Variants in CRPPA observed in about 807,000 individuals in gnomAD.
CRPPA encodes the protein D-ribitol-5-phosphate cytidylyltransferase.
A neutral mutation model predicts 52.0 loss-of-function variants in CRPPA; 43 were observed. The ratio of observed to expected loss-of-function variants is 0.83; its 90% CI spans 0.65 to 1.07. The LOEUF is 1.07. CRPPA is among the 50% of genes least tolerant of loss of function. The pLI, the probability that CRPPA is intolerant of heterozygous loss-of-function variation, is 0.00. For missense variants in CRPPA, 629 were observed against 551.7 expected, an observed-to-expected ratio of 1.14 and a Z score of -1.40; for synonymous variants, 250 against 203.5, an observed-to-expected ratio of 1.23 and a Z score of -1.94.
At chr7:16,256,212 C>T (rs1221321483) in intron 8 of CRPPA, among the ~76,000 whole-genome samples, 1 of 151,886 alleles carries the variant, frequency 6.6e-6, no homozygotes, top group Non-Finnish European at 1.5e-5. Context: ...ACTGGAAATG[C>T]ATATCAAAAC....
chr7:16,196,601 A>T (rs1328280278), intron 9 of CRPPA, among the ~76,000 whole-genome samples: 1 of 152,200 alleles, frequency 6.6e-6, no homozygotes, highest in African/African-American at 2.4e-5. Context: ...AAATTCAAAG[A>T]CAAACAATGT....
intron 1 of CRPPA, among the ~76,000 whole-genome samples, chr7:16,417,852 G>A (rs954904968): frequency 2.0e-5 from 3 of 151,912 alleles, no homozygotes; most frequent in Non-Finnish European, 4.4e-5. Flanking sequence ...AACAAGAAAT[G>A]ACATTCTCTT....
chr7:16,304,993 A>T lies in CRPPA; in HGVS notation c.790-3527T>A, dbSNP rs187908190. On this transcript the variant is annotated intron_variant, in intron 4 of 9. Coordinates refer to ENST00000407010, the MANE Select transcript of CRPPA (RefSeq NM_001101426.4). ...GCATAATTGTACTAGAACTTTTCAGATACATTTTTTTTTAAAAGGCAGCAT... is the reference window on the plus strand; with the variant it reads ...GCATAATTGTACTAGAACTTTTCAGTTACATTTTTTTTTAAAAGGCAGCAT... Among the ~76,000 whole-genome samples the T allele has an allele frequency of 9.1e-4, 139 of 152,292 alleles. 1 individual carries two copies. The highest frequency in any genetic ancestry group is 1.6e-3 in the Admixed American group (25 of 15,298).
chr7:16,131,074 G>T (rs1355300123), intron 9 of CRPPA, among the ~76,000 whole-genome samples: 1 of 152,146 alleles, frequency 6.6e-6, no homozygotes, highest in Non-Finnish European at 1.5e-5. Context: ...ACAAATTTAT[G>T]TTGTTTCTAA....
chr7:16,161,167 C>T (rs544891250), intron 9 of CRPPA, among the ~76,000 whole-genome samples: 25 of 152,234 alleles, frequency 1.6e-4, no homozygotes, highest in African/African-American at 4.3e-4. Flanking sequence ...TATTTAAATA[C>T]GCTTTATTTC....
chr7:16,325,776 A>C (rs1365386727), intron 3 of CRPPA, among the ~76,000 whole-genome samples: 1 of 152,076 alleles, frequency 6.6e-6, no homozygotes, highest in Non-Finnish European at 1.5e-5. Context: ...TAATGGTCTT[A>C]AGATACCCTA....
At chr7:16,393,388 C>G (rs892427649) in intron 2 of CRPPA, among the ~76,000 whole-genome samples, 5 of 152,046 alleles carry the variant, frequency 3.3e-5, no homozygotes, top group East Asian at 1.9e-4. Context: ...AGACAGGGTA[C>G]GAAAACAGAC....
intron 9 of CRPPA, among the ~76,000 whole-genome samples, chr7:16,118,131 G>A (rs377191194): frequency 6.6e-5 from 10 of 152,168 alleles, no homozygotes; most frequent in Non-Finnish European, 1.5e-4. Flanking sequence ...ACAAGGTCTC[G>A]GCTCCATGCC....
At chr7:16,376,268 A>G in intron 2 of CRPPA, 27 bp from the exon 3 acceptor site, 1 of 1,572,578 alleles carries the variant, frequency 6.4e-7, no homozygotes, top group Non-Finnish European at 8.6e-7. Context: ...CAAAGAATAT[A>G]TTTCACCTAC....
Position 16,089,119 on chromosome 7 carries a change from C to A in CRPPA, c.*2576G>T. On this transcript the variant is annotated 3_prime_UTR_variant, in exon 10 of 10. Coordinates refer to ENST00000407010, the MANE Select transcript of CRPPA (RefSeq NM_001101426.4). ...CCTCATGAAAATAGTGAAGGATGTG[C>A]AGATATATATACATATAAAATACAT... The A allele has an allele frequency of 4.4e-6, 1 of 229,062 alleles. No individual in the cohort carries two copies. The highest frequency in any genetic ancestry group is 9.6e-6 in the Non-Finnish European group (1 of 104,048). 14.2% of individuals were successfully genotyped at this position (229,062 alleles called of 1,614,324 possible).
At chr7:16,328,140 A>T (rs1368616989) in intron 3 of CRPPA, among the ~76,000 whole-genome samples, 1 of 152,186 alleles carries the variant, frequency 6.6e-6, no homozygotes, top group Non-Finnish European at 1.5e-5. Flanking sequence ...ATCTTTAGGG[A>T]GATAACATCT....
chr7:16,279,541 G>C (rs1181132918), intron 5 of CRPPA, among the ~76,000 whole-genome samples: 2 of 152,144 alleles, frequency 1.3e-5, no homozygotes, highest in Non-Finnish European at 2.9e-5. Context: ...AAGTTACGTG[G>C]TGCTAATAAA....
intron 6 of CRPPA, among the ~76,000 whole-genome samples, chr7:16,263,731 G>A (rs1354009309): frequency 2.7e-5 from 4 of 150,612 alleles, no homozygotes; most frequent in East Asian, 1.9e-4. Flanking sequence ...CAGCCTTGGC[G>A]ACAGAGTAAA....
chr7:16,189,843 G>C (rs1366885420), intron 9 of CRPPA, among the ~76,000 whole-genome samples: 3 of 152,084 alleles, frequency 2.0e-5, no homozygotes, highest in Non-Finnish European at 1.5e-5. Context: ...AAATATCCAA[G>C]GTAAATAGCA....
At chr7:16,383,449 G>T (rs1359574358) in intron 2 of CRPPA, among the ~76,000 whole-genome samples, 1 of 152,190 alleles carries the variant, frequency 6.6e-6, no homozygotes. Context: ...AGGGGTCAGG[G>T]ACCCACTTGA....
intron 6 of CRPPA, chr7:16,270,057 C>T (rs540047220): frequency 2.0e-4 from 30 of 152,212 alleles, no homozygotes; most frequent in African/African-American, 6.3e-4. Context: ...ACTTTTTGTA[C>T]GGATTTTCCT....
rs966913645 is a variant in CRPPA, at chr7:16,142,286, G to A, written c.1252-50487C>T. Among the ~76,000 whole-genome samples, 44 of 152,082 alleles carry A rather than the reference G, an allele frequency of 2.9e-4. No homozygotes were observed. In the Middle Eastern group the frequency reaches 9.5e-3, roughly 33 times the overall value. On this transcript the variant is annotated intron_variant, in intron 9 of 9. Transcript: ENST00000407010. ...CTTGTGTCACAGAGGTTTGTTGTAC[G>A]TTATTTCATCCCCTAGGTACTAAGC...
chr7:16,197,338 T>C (rs1022219579), intron 9 of CRPPA, among the ~76,000 whole-genome samples: 5 of 152,138 alleles, frequency 3.3e-5, no homozygotes, highest in African/African-American at 9.7e-5. Flanking sequence ...AATCAGTAAA[T>C]TTTTTTCTTC....
chr7:16,099,958 G>A (rs771829040), intron 9 of CRPPA, among the ~76,000 whole-genome samples: 3 of 152,042 alleles, frequency 2.0e-5, no homozygotes, highest in Non-Finnish European at 4.4e-5. Context: ...CCTATGCCTG[G>A]ACTCCTCCAG....
Sources: gnomAD v4.1 joint callset for allele counts (sites outside exome capture counted in the v4.1 genomes callset) on GRCh38, gnomAD v4.1.1 for gene constraint, MANE v1.5 for transcripts, NCBI Gene and HGNC (gene_info 2026-07-23, HGNC 2026-07-21) for gene names.